The following KIF26B variants were observed in gnomAD, a reference collection of about 807,000 sequenced individuals.
The protein encoded by KIF26B is kinesin family member 26B.
A neutral mutation model predicts 151.2 loss-of-function variants in KIF26B; 63 were observed. That is an observed-to-expected ratio of 0.42 (90% CI 0.34 to 0.51). KIF26B has a LOEUF of 0.51. KIF26B is among the 20% of genes least tolerant of loss of function. The probability of loss-of-function intolerance (pLI) is 0.07; values close to 1 mark genes in which losing one functional copy is unlikely to be tolerated. For synonymous variants in KIF26B, 1,357 were observed against 1,262.1 expected (o/e 1.08, Z -1.59); for missense variants, 2,813 against 2,913.6 (o/e 0.97, Z 0.79).
chr1:245,253,126 C>G (rs577368516), intron 2 of KIF26B, among the ~76,000 whole-genome samples: 1 of 151,346 alleles, frequency 6.6e-6, no homozygotes, highest in South Asian at 2.1e-4. Flanking sequence ...TCTCCTGTCT[C>G]AGCCTCCCGA....
intron 5 of KIF26B, among the ~76,000 whole-genome samples, chr1:245,544,108 G>A (rs1661685639): frequency 6.6e-6 from 1 of 152,090 alleles, no homozygotes; most frequent in African/African-American, 2.4e-5. Context: ...CCAGACTCCT[G>A]CTCTCTCCAC....
intron 4 of KIF26B, among the ~76,000 whole-genome samples, chr1:245,422,444 G>A (rs1393745603): frequency 6.6e-6 from 1 of 152,122 alleles, no homozygotes; most frequent in Non-Finnish European, 1.5e-5. Context: ...GTGACTGACT[G>A]GCTCCAGGCT....
chr1:245,662,670 CAATGATACATATATATA>C, intron 10 of KIF26B, among the ~76,000 whole-genome samples: 1 of 75,876 alleles, frequency 1.3e-5, no homozygotes, highest in Non-Finnish European at 2.9e-5. Flanking sequence ...TACATATACC[CAATGATACATATATATA>C]CAATATATAT....
intron 10 of KIF26B, among the ~76,000 whole-genome samples, chr1:245,664,566 T>C (rs4658793): frequency 0.68 from 103,128 of 151,986 alleles, 35,139 homozygotes; most frequent in East Asian, 0.83. Flanking sequence ...TTTCATGTTT[T>C]GAAATATTTT....
At chr1:245,305,994 G>A (rs1671532919) in intron 2 of KIF26B, among the ~76,000 whole-genome samples, 1 of 146,982 alleles carries the variant, frequency 6.8e-6, no homozygotes, top group East Asian at 2.0e-4. Flanking sequence ...CCCTGTGGAA[G>A]AGAACTTGGC....
intron 4 of KIF26B, among the ~76,000 whole-genome samples, chr1:245,431,500 A>C (rs937087979): frequency 2.0e-5 from 3 of 152,118 alleles, no homozygotes; most frequent in Admixed American, 6.5e-5. Context: ...ATCCGCCACC[A>C]TGCCCAGCTC....
chr1:245,566,484 G>T (rs757678247), intron 5 of KIF26B, among the ~76,000 whole-genome samples: 4 of 152,192 alleles, frequency 2.6e-5, no homozygotes, highest in Non-Finnish European at 5.9e-5. Context: ...AAATATGAAT[G>T]AAAAAATGCA....
chr1:245,325,193 T>C (rs1671964567), intron 2 of KIF26B, among the ~76,000 whole-genome samples: 1 of 152,066 alleles, frequency 6.6e-6, no homozygotes, highest in African/African-American at 2.4e-5. Flanking sequence ...ATCCTTTCCA[T>C]ATCTGTGTAC....
chr1:245,700,539 A>C (rs2044755960), intron 14 of KIF26B, among the ~76,000 whole-genome samples: 2 of 152,118 alleles, frequency 1.3e-5, no homozygotes, highest in African/African-American at 4.8e-5. Context: ...CTCTACCAAA[A>C]ATACAAAAAT....
rs976362790 is a variant in KIF26B at position 245,318,647 on chromosome 1, G to A, written c.466-48187G>A. Reference sequence around the variant, plus strand: ...TAGGGAAAGCAGCAAGGATGAGTTCGGGAGACTCTGGCATATGCATCAGAG... The same window carrying A: ...TAGGGAAAGCAGCAAGGATGAGTTCAGGAGACTCTGGCATATGCATCAGAG... On this transcript the variant is annotated intron_variant, in intron 2 of 14. Transcript: ENST00000407071. This position sits in a 1 kb window ranked among gnomAD's most constrained non-coding sequence, Gnocchi z 4.0. 3.3e-5 allele frequency among the ~76,000 whole-genome samples: 5 copies of A among 152,084 alleles called. No homozygotes were observed. The highest frequency in any genetic ancestry group is 1.2e-4 in the African/African-American group (5 of 41,432).
chr1:245,394,694 T>TTTC (rs1673785523), intron 3 of KIF26B, among the ~76,000 whole-genome samples: 1 of 146,392 alleles, frequency 6.8e-6, no homozygotes, highest in East Asian at 2.0e-4. Context: ...CTTTCTTTTT[T>TTTC]TTTTTTTTTT....
In KIF26B at chr1:245,335,843, AGTCCCACGAAGGGAAAGGAGG is replaced by A. The variant is rs370241150; in HGVS notation, c.466-30961_466-30941del. Among the ~76,000 whole-genome samples the A allele has an allele frequency of 5.6e-3, 754 of 135,236 alleles. 3 individuals carry two copies. The highest frequency in any genetic ancestry group is 0.014 in the Middle Eastern group (3 of 218). The allele number at this position is 135,236 out of a possible 152,430, so 88.7% of individuals were successfully genotyped here. A position where few individuals can be genotyped will look rare whatever the true frequency, so the allele number is the denominator to read the frequency against. ...GAAGAGCCCCACGCGGAGAAGGAGG[AGTCCCACGAAGGGAAAGGAGG>A]GTCCCACGAAGGGAAAGGAGGGTCC... On this transcript the variant is annotated intron_variant, in intron 2 of 14. Transcript: ENST00000407071.
At chr1:245,631,758 A>C (rs1288597223) in intron 9 of KIF26B, among the ~76,000 whole-genome samples, 2 of 151,870 alleles carry the variant, frequency 1.3e-5, no homozygotes, top group Non-Finnish European at 2.9e-5. Context: ...AATTCTTGTT[A>C]CTCATTATTT....
chr1:245,700,595 G>GCTAC (rs2044757048), intron 14 of KIF26B, among the ~76,000 whole-genome samples: 1 of 152,162 alleles, frequency 6.6e-6, no homozygotes, highest in Non-Finnish European at 1.5e-5. Flanking sequence ...CTACTCAGGA[G>GCTAC]GCTGAGGTTG....
intron 2 of KIF26B, among the ~76,000 whole-genome samples, chr1:245,335,826 C>T (rs1181397262): frequency 1.4e-5 from 2 of 142,414 alleles, no homozygotes; most frequent in African/African-American, 5.3e-5. Flanking sequence ...AAGAAGAGCC[C>T]CACGCGGAGA....
intron 2 of KIF26B, among the ~76,000 whole-genome samples, chr1:245,301,144 A>T (rs1009427684): frequency 6.6e-6 from 1 of 152,146 alleles, no homozygotes; most frequent in Non-Finnish European, 1.5e-5. Context: ...GCACAAATGA[A>T]TTTAAACCTC....
At chr1:245,664,083 C>A (rs1363742878) in intron 10 of KIF26B, among the ~76,000 whole-genome samples, 2 of 152,248 alleles carry the variant, frequency 1.3e-5, no homozygotes, top group African/African-American at 4.8e-5. Context: ...AAAATAATAT[C>A]CACGGCCGGG....
chr1:245,223,508 C>A (rs1426884020), intron 2 of KIF26B, among the ~76,000 whole-genome samples: 2 of 152,158 alleles, frequency 1.3e-5, no homozygotes, highest in Non-Finnish European at 2.9e-5. Context: ...TCCAGTCAAG[C>A]CTTTCAGCCT....
At position 245,439,943 on chromosome 1, in the gene KIF26B, C is replaced by T. The variant is rs1193098280; in HGVS notation, c.1166+20198C>T. Among the ~76,000 whole-genome samples the T allele has an allele frequency of 2.6e-5, 4 of 152,182 alleles. No homozygotes were observed. The South Asian group carries it at 6.2e-4, about 24-fold the overall frequency. Reference sequence around the variant, plus strand: ...AAGTTCCTATAAAGTTCTGACAGGCCAGGTGCGGTGGCTCACGCCTGTAAT... The same window carrying T: ...AAGTTCCTATAAAGTTCTGACAGGCTAGGTGCGGTGGCTCACGCCTGTAAT... On this transcript the variant is annotated intron_variant, in intron 4 of 14. Coordinates refer to ENST00000407071, the MANE Select transcript of KIF26B (RefSeq NM_018012.4).
Sources: gnomAD v4.1 joint callset for allele counts (sites outside exome capture counted in the v4.1 genomes callset) on GRCh38, gnomAD v4.1.1 for gene constraint, Gnocchi (gnomAD v3.1) non-coding constraint, MANE v1.5 for transcripts, NCBI Gene and HGNC (gene_info 2026-07-23, HGNC 2026-07-21) for gene names.